Variants in RELA observed in about 807,000 individuals in gnomAD.
RELA encodes RELA proto-oncogene, NF-kB subunit.
RELA carries 14 observed loss-of-function variants against 56.7 expected under a neutral mutation model. That is an observed-to-expected ratio of 0.25 (90% CI 0.16 to 0.39). RELA has a LOEUF of 0.39. Among genes scored for constraint, RELA ranks in the 10% least tolerant of loss-of-function variants. RELA has a pLI of 1.00. For synonymous variants in RELA, 315 were observed against 289.7 expected (o/e 1.09, Z -0.89); for missense variants, 559 against 736.4 (o/e 0.76, Z 2.79).
chr11:65,656,038 G>C (rs1856419373), intron 8 of RELA, 103 bp from the exon 9 acceptor site: 1 of 935,542 alleles, frequency 1.1e-6, no homozygotes, highest in African/African-American at 1.6e-5. Context: ...GCTTTCCCAA[G>C]ACCCATTCTC....
chr11:65,662,138 C>T (rs1392071809), intron 2 of RELA, 41 bp downstream of exon 2: 3 of 1,595,832 alleles, frequency 1.9e-6, no homozygotes, highest in Middle Eastern at 1.7e-4. Context: ...CACTGCCCTA[C>T]CCCAGGGAGC....
chr11:65,655,499 T>G (rs1856399125), intron 10 of RELA, 189 bp downstream of exon 10: 1 of 605,856 alleles, frequency 1.7e-6, no homozygotes, highest in African/African-American at 1.9e-5. Context: ...ATATAGAATT[T>G]AAGTGGCACG....
At chr11:65,655,810 C>T (rs371964279) in intron 9 of RELA, 45 bp downstream of exon 9, 20 of 1,613,350 alleles carry the variant, frequency 1.2e-5, no homozygotes, top group Non-Finnish European at 9.3e-6. Context: ...GTGTCCCCTC[C>T]CTGCCCGCTG....
chr11:65,655,055 C>T (rs928175066), intron 10 of RELA, 55 bp from the exon 11 acceptor site: 21 of 1,398,136 alleles, frequency 1.5e-5, no homozygotes, highest in East Asian at 1.2e-4. Context: ...AGATCCACCC[C>T]GTCCTCTGTA....
Position 65,654,427 on chromosome 11 carries a change from G to C in RELA, c.1607C>G (p.Ser536Cys). The change falls in exon 11 of 11, where the codon TCC becomes TGC. Residue 536 changes from serine (S) to cysteine (C), a missense_variant. Transcript: ENST00000406246. ...GGCTGAGAAGTCCATGTCCGCAATG[G>C]AGGAGAAGTCTTCATCTCCTGAAAG... ...GLLSGDEDFS[S>C]IADMDFSALL... 1 of 1,611,322 alleles carries C rather than the reference G, an allele frequency of 6.2e-7. No individual in the cohort carries two copies. The highest frequency in any genetic ancestry group is 8.5e-7 in the Non-Finnish European group (1 of 1,178,862).
rs932197179 is a variant in RELA, at chr11:65,654,231, A to G, written c.*147T>C. On this transcript the variant is annotated 3_prime_UTR_variant, in exon 11 of 11. Coordinates refer to ENST00000406246, the MANE Select transcript of RELA (RefSeq NM_021975.4). ...GAGAGAGATACAGATACTGACAATAAAAGAATAAAATATGGCTCCCCCCTC... is the reference window on the plus strand; with the variant it reads ...GAGAGAGATACAGATACTGACAATAGAAGAATAAAATATGGCTCCCCCCTC... 7.9e-5 allele frequency: 76 copies of G among 963,494 alleles called. No homozygotes were observed. In the East Asian group the frequency reaches 1.9e-3, roughly 25 times the overall value. 59.7% of individuals were successfully genotyped at this position (963,494 alleles called of 1,614,324 possible).
Position 65,658,364 on chromosome 11 carries a change from C to G in RELA, c.800G>C (p.Arg267Pro). 3.1e-6 allele frequency: 5 copies of G among 1,613,784 alleles called. No individual in the cohort carries two copies. The highest frequency in any genetic ancestry group is 4.2e-6 in the Non-Finnish European group (5 of 1,179,912). ...AGGCCGCCGCAGCTGCATGGAGACA[C>G]GCACAGGAGCCTGCAGGCTGGGGTC... ...YADPSLQAPV[R>P]VSMQLRRPSD... is the part of the protein sequence containing the mutation. The change falls in exon 8 of 11, where the codon CGT becomes CCT. Residue 267 changes from arginine (R) to proline (P), a missense_variant. Physicochemically the swap from Arg to Pro is moderately radical, Grantham distance 103. Around this residue, in one of 4 missense-constraint regions of RELA, gnomAD observed 365 missense variants for 387.5 expected, o/e 0.94. Coordinates refer to ENST00000406246, the MANE Select transcript of RELA (RefSeq NM_021975.4). This position sits in a 1 kb window ranked among gnomAD's most constrained non-coding sequence, Gnocchi z 4.5.
intron 1 of RELA, 191 bp downstream of exon 1, chr11:65,662,635 C>G: frequency 2.5e-6 from 1 of 393,130 alleles, no homozygotes; most frequent in Non-Finnish European, 4.3e-6. Context: ...AGGGCCACCC[C>G]CTCCACCCAG....
In RELA at chr11:65,655,947, AG is replaced by A. The variant is rs772449425; in HGVS notation, c.878-13del. The A allele has an allele frequency of 1.2e-6, 2 of 1,613,234 alleles. No individual in the cohort carries two copies. Among genetic ancestry groups the A allele is most frequent in the Middle Eastern group, 1.6e-4 (1 of 6,082 alleles). Reference sequence around the variant, plus strand: ...CCGGTGACGATCGTCTGGGAAAGTAAGGGGGAGAAGTGGGACTTGCTCTCCT... The same window carrying A: ...CCGGTGACGATCGTCTGGGAAAGTAAGGGGAGAAGTGGGACTTGCTCTCCT... On this transcript the variant is annotated splice_polypyrimidine_tract_variant and intron_variant, in intron 8 of 10. Transcript: ENST00000406246.
chr11:65,656,069 G>A (rs1856420081), intron 8 of RELA, 134 bp from the exon 9 acceptor site: 6 of 753,584 alleles, frequency 8.0e-6, no homozygotes, highest in Middle Eastern at 3.3e-4. Context: ...CTGCCAATGA[G>A]AAGGGATGTG....
chr11:65,661,717 G>C lies in RELA; in HGVS notation c.305C>G (p.Ala102Gly). Residue 102 changes from alanine to glycine, a missense_variant, in exon 4 of 11, where the codon GCT becomes GGT. Around this residue, in one of 4 missense-constraint regions of RELA, gnomAD observed 149 missense variants for 256.0 expected, o/e 0.58. Coordinates refer to ENST00000406246, the MANE Select transcript of RELA (RefSeq NM_021975.4). ...GKDCRDGFYEAELCPDRCIHS... is the reference protein window; with the variant it reads ...GKDCRDGFYEGELCPDRCIHS... ...GATGCAGCGGTCCGGGCAGAGCTCA[G>C]CCTCATAGAAGCCATCCCGGCAGTC... 1 of 1,610,408 alleles carries C rather than the reference G, an allele frequency of 6.2e-7. No individual in the cohort carries two copies. The highest frequency in any genetic ancestry group is 8.5e-7 in the Non-Finnish European group (1 of 1,177,914).
At chr11:65,656,359 A>G (rs1044640360) in intron 8 of RELA, among the ~76,000 whole-genome samples, 2 of 152,158 alleles carry the variant, frequency 1.3e-5, no homozygotes, top group African/African-American at 4.8e-5. Flanking sequence ...CTTATCTCTA[A>G]TGGTTTCATA....
chr11:65,663,300 G>A (rs1320970988), upstream of RELA, among the ~76,000 whole-genome samples: 2 of 152,228 alleles, frequency 1.3e-5, no homozygotes, highest in African/African-American at 2.4e-5. Flanking sequence ...GGAAAAGCCC[G>A]ACCGGGCCTT....
In RELA at chr11:65,658,512, C is replaced by A; in HGVS notation, c.665-13G>T. 2 of 1,585,880 alleles carry A rather than the reference C, an allele frequency of 1.3e-6. No individual in the cohort carries two copies. The highest frequency in any genetic ancestry group is 1.7e-6 in the Non-Finnish European group (2 of 1,160,076). On this transcript the variant is annotated splice_polypyrimidine_tract_variant and intron_variant, in intron 7 of 10. Transcript: ENST00000406246. The surrounding 1 kb of genome is among the most constrained non-coding windows in gnomAD (Gnocchi z 4.5). ...ACCTCAATGTCCTCTGCAGGAGATG[C>A]GGTGGCAGTGTGGGTCAGTGTGTCT... is the stretch of plus-strand genomic sequence containing the variant.
chr11:65,663,757 C>G (rs1252721550), upstream of RELA, among the ~76,000 whole-genome samples: 1 of 151,128 alleles, frequency 6.6e-6, no homozygotes, highest in Non-Finnish European at 1.5e-5. Flanking sequence ...CTGTGTTTGC[C>G]CTGGACCTCC....
chr11:65,661,538 A>G (rs1856567158), intron 4 of RELA, 149 bp downstream of exon 4: 1 of 670,562 alleles, frequency 1.5e-6, no homozygotes, highest in African/African-American at 1.8e-5. Context: ...GATAATTTCA[A>G]GACAAAGGCA....
Position 65,659,875 on chromosome 11 carries a change from G to A in RELA, c.428-78C>T, listed in dbSNP as rs2306365. On this transcript the variant is annotated intron_variant, in intron 5 of 10. Transcript: ENST00000406246. Reference sequence around the variant, plus strand: ...TATCAGTGGGGGCAGGGAGCTCTGCGCTGGGAGGGCCGCTGGTGCGTGTGT... The same window carrying A: ...TATCAGTGGGGGCAGGGAGCTCTGCACTGGGAGGGCCGCTGGTGCGTGTGT... 0.15 allele frequency: 224,100 copies of A among 1,512,836 alleles called. 20,542 individuals are homozygous for A. The highest frequency in any genetic ancestry group is 0.42 in the East Asian group (18,311 of 43,784). 93.7% of individuals were successfully genotyped at this position (1,512,836 alleles called of 1,614,324 possible).
rs560604471 is a variant in RELA, at chr11:65,654,836, C to A, written c.1198G>T (p.Val400Leu). The change falls in exon 11 of 11, where the codon GTA becomes TTA. Residue 400 changes from valine to leucine, a missense_variant. By Grantham distance (32) the Val-to-Leu change is conservative (BLOSUM62 1). Transcript: ENST00000406246. ...GCTGGGGCCTGGGCCAGAGCTGATA[C>A]CATGGCTGGAGCAGGGGCAGGGGCT... is the stretch of plus-strand genomic sequence containing the variant. ...APAPAPAPAM[V>L]SALAQAPAPV... is the part of the protein sequence containing the mutation. The A allele has an allele frequency of 6.4e-7, 1 of 1,552,994 alleles. No homozygotes were observed. The highest frequency in any genetic ancestry group is 8.7e-7 in the Non-Finnish European group (1 of 1,145,686).
chr11:65,658,596 G>T lies in RELA; in HGVS notation c.665-97C>A. Reference sequence around the variant, plus strand: ...CTTGTCTTCTGATACATCACCCTTCGGCCCACCTGAGGCCCCCGAGGCACA... The same window carrying T: ...CTTGTCTTCTGATACATCACCCTTCTGCCCACCTGAGGCCCCCGAGGCACA... On this transcript the variant is annotated intron_variant, in intron 7 of 10. Transcript: ENST00000406246. The surrounding 1 kb of genome is among the most constrained non-coding windows in gnomAD (Gnocchi z 4.5). 7.2e-7 allele frequency: 1 copy of T among 1,391,000 alleles called. No homozygotes were observed. 86.2% of individuals were successfully genotyped at this position (1,391,000 alleles called of 1,614,324 possible).
Sources: allele counts gnomAD v4.1 joint callset (sites outside exome capture counted in the v4.1 genomes callset), GRCh38; gene constraint gnomAD v4.1.1; regional missense constraint gnomAD v4.1.1; non-coding constraint Gnocchi (gnomAD v3.1); transcripts MANE v1.5; gene names NCBI Gene and HGNC (gene_info 2026-07-23, HGNC 2026-07-21).